The following RAB38 variants were observed in gnomAD, a reference collection of about 807,000 sequenced individuals.
RAB38 encodes ras-related protein Rab-38.
Under a neutral mutation model 18.4 loss-of-function variants are expected in RAB38, and 15 were observed. That is an observed-to-expected ratio of 0.82 (90% CI 0.55 to 1.26). The LOEUF is 1.26. RAB38 is among the 50% of genes most tolerant of loss of function. RAB38 has a pLI of 0.00. For missense variants in RAB38, 294 were observed against 267.4 expected (o/e 1.10, Z -0.69); for synonymous variants, 101 against 104.4 (o/e 0.97, Z 0.20).
the RAB38 span, among the ~76,000 whole-genome samples, chr11:88,089,806 A>C: frequency 6.6e-6 from 1 of 151,930 alleles, no homozygotes; most frequent in African/African-American, 2.4e-5. Context: ...TTCATCAGCT[A>C]CCGCCCGCAA....
chr11:87,886,855 C>G, the RAB38 span, among the ~76,000 whole-genome samples: 1 of 145,888 alleles, frequency 6.9e-6, no homozygotes, highest in African/African-American at 2.5e-5. Flanking sequence ...TACACTGATG[C>G]CAGCCCATCT....
At chr11:87,831,493 G>T in the RAB38 span, among the ~76,000 whole-genome samples, 5 of 152,148 alleles carry the variant, frequency 3.3e-5, no homozygotes, top group Non-Finnish European at 7.3e-5. Context: ...GAAAAAGGTG[G>T]ACTTTCAAGT....
the RAB38 span, among the ~76,000 whole-genome samples, chr11:87,943,015 G>A: frequency 6.6e-6 from 1 of 152,082 alleles, no homozygotes; most frequent in African/African-American, 2.4e-5. Context: ...AAATTGGAAT[G>A]GGTAATTCTC....
chr11:88,173,986 C>T, intron 1 of RAB38: 10 of 985,372 alleles, frequency 1.0e-5, no homozygotes, highest in Non-Finnish European at 1.2e-5. Flanking sequence ...TAAAATGAAT[C>T]CATTTTCTGA....
the RAB38 span, among the ~76,000 whole-genome samples, chr11:87,953,583 TTTATTG>T: frequency 6.6e-6 from 1 of 152,018 alleles, no homozygotes; most frequent in South Asian, 2.1e-4. Flanking sequence ...ATTATTATTA[TTTATTG>T]TTAATCTGTT....
chr11:87,900,182 A>T, the RAB38 span, among the ~76,000 whole-genome samples: 1 of 151,692 alleles, frequency 6.6e-6, no homozygotes, highest in East Asian at 1.9e-4. Context: ...AGGGGTTTAC[A>T]GGAGATTGAC....
At chr11:87,828,590 G>C in the RAB38 span, among the ~76,000 whole-genome samples, 2 of 152,148 alleles carry the variant, frequency 1.3e-5, no homozygotes, top group South Asian at 4.1e-4. Context: ...TGCTAGGGAA[G>C]GTAACTAGGT....
the RAB38 span, among the ~76,000 whole-genome samples, chr11:87,942,553 G>A: frequency 6.6e-6 from 1 of 152,046 alleles, no homozygotes; most frequent in Non-Finnish European, 1.5e-5. Context: ...TTCCCACAGT[G>A]GAAATGTAAA....
the RAB38 span, among the ~76,000 whole-genome samples, chr11:87,973,623 G>T: frequency 3.5e-5 from 5 of 143,182 alleles, no homozygotes; most frequent in Non-Finnish European, 6.4e-5. Flanking sequence ...TTACTAGACA[G>T]GACAAAGCTG....
At chr11:87,956,688 CTCTGACCACCCCCACTTTTCTGTA>C in the RAB38 span, among the ~76,000 whole-genome samples, 7 of 152,130 alleles carry the variant, frequency 4.6e-5, no homozygotes, top group Non-Finnish European at 8.8e-5. Flanking sequence ...TAGAAGGTCA[CTCTGACCACCCCCACTTTTCTGTA>C]TAAAGCATAG....
the RAB38 span, among the ~76,000 whole-genome samples, chr11:88,004,176 A>C: frequency 6.7e-6 from 1 of 149,524 alleles, no homozygotes; most frequent in South Asian, 2.1e-4. Flanking sequence ...TCATAGACAC[A>C]CATCCTTCAT....
chr11:87,938,552 G>T, the RAB38 span, among the ~76,000 whole-genome samples: 3 of 150,970 alleles, frequency 2.0e-5, no homozygotes, highest in African/African-American at 4.9e-5. Flanking sequence ...GTGCCATTAG[G>T]TTGCAGTAGA....
chr11:87,915,709 T>C, the RAB38 span, among the ~76,000 whole-genome samples: 4 of 152,120 alleles, frequency 2.6e-5, no homozygotes, highest in African/African-American at 9.6e-5. Context: ...TTTAATTGCT[T>C]TACTCTCTTA....
At chr11:88,133,896 TCTA>T (rs1041874741) in intron 2 of RAB38, among the ~76,000 whole-genome samples, 75 of 152,330 alleles carry the variant, frequency 4.9e-4, no homozygotes, top group African/African-American at 1.8e-3. Context: ...CTATGCTACC[TCTA>T]CTACTTCCCC....
chr11:87,871,224 G>C, the RAB38 span, among the ~76,000 whole-genome samples: 3 of 151,614 alleles, frequency 2.0e-5, no homozygotes, highest in Non-Finnish European at 3.0e-5. Context: ...AGGACAAGCT[G>C]TGAAATGCCT....
chr11:88,076,989 A>AAAAGAAAAGAAAAGAAAAGG, the RAB38 span, among the ~76,000 whole-genome samples: 2 of 87,948 alleles, frequency 2.3e-5, no homozygotes, highest in South Asian at 8.3e-4. Context: ...AGAAAGAAAG[A>AAAAGAAAAGAAAAGAAAAGG]AAAGAAAAGA....
chr11:88,062,981 G>C, the RAB38 span, among the ~76,000 whole-genome samples: 1 of 152,152 alleles, frequency 6.6e-6, no homozygotes, highest in African/African-American at 2.4e-5. Flanking sequence ...CTTTTTATAT[G>C]TTGGAAATTC....
chr11:88,146,593 A>G (rs899247122), intron 2 of RAB38, among the ~76,000 whole-genome samples: 1 of 152,258 alleles, frequency 6.6e-6, no homozygotes, highest in Admixed American at 6.5e-5. Flanking sequence ...TTGTAATACT[A>G]TAGTCAGAAA....
chr11:87,870,461 TA>T, the RAB38 span, among the ~76,000 whole-genome samples: 298 of 148,930 alleles, frequency 2.0e-3, no homozygotes, highest in African/African-American at 6.6e-3. Flanking sequence ...TTTTGTCAAA[TA>T]AAAAAAAAAT....
Sources: allele counts gnomAD v4.1 joint callset (sites outside exome capture counted in the v4.1 genomes callset), GRCh38; gene constraint gnomAD v4.1.1; transcripts MANE v1.5; gene names NCBI Gene and HGNC (gene_info 2026-07-23, HGNC 2026-07-21).